The following THOC5 variants were observed in gnomAD, a reference collection of about 807,000 sequenced individuals.
THOC5 encodes THO complex subunit 5.
A neutral mutation model predicts 92.9 loss-of-function variants in THOC5; 43 were observed. That is an observed-to-expected ratio of 0.46 (90% CI 0.36 to 0.60). THOC5 has a LOEUF of 0.60. THOC5 is among the 20% of genes least tolerant of loss of function. The pLI is 0.00. For synonymous variants in THOC5, 296 were observed against 320.1 expected (o/e 0.92, Z 0.80); for missense variants, 659 against 849.4 (o/e 0.78, Z 2.79).
chr22:29,536,293 C>T (rs1213397969), intron 7 of THOC5: 1 of 238,280 alleles, frequency 4.2e-6, no homozygotes, highest in African/African-American at 2.3e-5. Context: ...CAGACATCCA[C>T]AGGAAGCAAG....
intron 14 of THOC5, 99 bp from the exon 15 acceptor site, chr22:29,519,219 T>C: frequency 1.4e-6 from 1 of 729,566 alleles, no homozygotes; most frequent in Admixed American, 2.5e-5. Flanking sequence ...CACCCTGGAT[T>C]ATCCATGCCC....
chr22:29,549,179 T>C lies in THOC5; in HGVS notation c.-11-21A>G, dbSNP rs752550396. ...TCCTCCTGTTAAGAGGAGAAAGTTT[T>C]TGAGATTCTTCTGGAGTCATAACAC... On this transcript the variant is annotated intron_variant, in intron 1 of 19. Transcript: ENST00000490103. 5.6e-6 allele frequency: 9 copies of C among 1,608,958 alleles called. No homozygotes were observed. In the East Asian group the frequency reaches 1.8e-4, roughly 32 times the overall value.
intron 17 of THOC5, chr22:29,513,857 T>A (rs886256554): frequency 6.6e-6 from 1 of 151,988 alleles, no homozygotes; most frequent in African/African-American, 2.4e-5. Flanking sequence ...AAATAAAAAA[T>A]AAAAATAAAA....
chr22:29,544,575 T>G lies in THOC5; in HGVS notation c.125A>C (p.Glu42Ala). 6 of 1,613,498 alleles carry G rather than the reference T, an allele frequency of 3.7e-6. No homozygotes were observed. Among genetic ancestry groups the G allele is most frequent in the Middle Eastern group, 3.3e-4 (2 of 6,054 alleles). The change falls in exon 3 of 20, where the codon GAG becomes GCG. Residue 42 changes from glutamate (E) to alanine (A), a missense_variant. Glu to Ala is a moderately radical substitution (Grantham distance 107). Transcript: ENST00000490103. The part of the protein sequence containing the change: ...QEGKYYSEEA[E>A]VDLRDPGRDY... ...TCTGCCAGGGTCCCGCAGATCCACC[T>G]CGGCCTCCTCACTGTAGTATTTACC...
intron 11 of THOC5, 41 bp downstream of exon 11, chr22:29,528,037 A>G: frequency 6.2e-7 from 1 of 1,601,086 alleles, no homozygotes; most frequent in Non-Finnish European, 8.6e-7. Context: ...GTGAACTCTT[A>G]GGTGCTACAG....
intron 11 of THOC5, among the ~76,000 whole-genome samples, chr22:29,526,336 T>C (rs1037937848): frequency 1.3e-5 from 2 of 151,886 alleles, no homozygotes; most frequent in Non-Finnish European, 2.9e-5. Flanking sequence ...ATCGAGACCA[T>C]CCTGGCTAAC....
intron 12 of THOC5, among the ~76,000 whole-genome samples, chr22:29,523,269 T>C (rs1337000663): frequency 6.6e-6 from 1 of 151,312 alleles, no homozygotes; most frequent in Non-Finnish European, 1.5e-5. Flanking sequence ...AAATAAATAA[T>C]AAAATAAAAA....
At chr22:29,518,026 CTT>C (rs1189151608) in intron 15 of THOC5, among the ~76,000 whole-genome samples, 1 of 152,076 alleles carries the variant, frequency 6.6e-6, no homozygotes, top group East Asian at 1.9e-4. Flanking sequence ...GACAGAGACT[CTT>C]TTTTATTTTT....
At chr22:29,517,456 T>C in intron 15 of THOC5, 90 bp from the exon 16 acceptor site, 2 of 1,151,068 alleles carry the variant, frequency 1.7e-6, no homozygotes, top group Non-Finnish European at 2.5e-6. Context: ...TCTGAAGGGC[T>C]CAGATGGCCC....
chr22:29,520,861 C>A, intron 13 of THOC5, 137 bp downstream of exon 13: 1 of 691,338 alleles, frequency 1.4e-6, no homozygotes. Flanking sequence ...CAAGAAAGAA[C>A]AAACATTTCC....
At chr22:29,520,319 C>A (rs1204925267) in intron 13 of THOC5, among the ~76,000 whole-genome samples, 1 of 152,082 alleles carries the variant, frequency 6.6e-6, no homozygotes, top group Admixed American at 6.6e-5. Flanking sequence ...TTTTCCTTTT[C>A]TTCTTGCAGC....
chr22:29,539,208 T>C, intron 6 of THOC5, 122 bp downstream of exon 6: 1 of 994,068 alleles, frequency 1.0e-6, no homozygotes, highest in Non-Finnish European at 1.5e-6. Context: ...GATTTAATCA[T>C]AAAATGGGAT....
At chr22:29,518,918 G>T in intron 15 of THOC5, 88 bp downstream of exon 15, 1 of 886,284 alleles carries the variant, frequency 1.1e-6, no homozygotes, top group Non-Finnish European at 1.8e-6. Context: ...TTTGTCATCA[G>T]GATTCAAGTT....
At chr22:29,514,237 A>T (rs2063287387) in intron 17 of THOC5, among the ~76,000 whole-genome samples, 1 of 151,480 alleles carries the variant, frequency 6.6e-6, no homozygotes, top group Admixed American at 6.6e-5. Flanking sequence ...GTGAGCCACC[A>T]CGCCCAGGCT....
chr22:29,527,564 T>C (rs1379340554), intron 11 of THOC5, among the ~76,000 whole-genome samples: 2 of 152,184 alleles, frequency 1.3e-5, no homozygotes, highest in Non-Finnish European at 2.9e-5. Context: ...TTCTAAAAAA[T>C]ACATAAGAAG....
chr22:29,523,022 A>T (rs1427045559), intron 12 of THOC5, among the ~76,000 whole-genome samples: 2 of 151,162 alleles, frequency 1.3e-5, no homozygotes, highest in East Asian at 3.9e-4. Flanking sequence ...AAAACAAAAA[A>T]CCAAACCATT....
chr22:29,522,979 C>T lies in THOC5; in HGVS notation c.1176-1880G>A, dbSNP rs571873614. Among the ~76,000 whole-genome samples the T allele has an allele frequency of 6.4e-4, 97 of 151,950 alleles. 1 individual carries two copies. Among genetic ancestry groups the T allele is most frequent in the Non-Finnish European group, 2.5e-4 (17 of 67,976 alleles). ...TCGTACCACTGCACTCCAGCCTGGG[C>T]GACAGAGCGAGACTCTGTCTCAAGA... is the stretch of plus-strand genomic sequence containing the variant. On this transcript the variant is annotated intron_variant, in intron 12 of 19. Coordinates refer to ENST00000490103, the MANE Select transcript of THOC5 (RefSeq NM_003678.5).
chr22:29,514,217 G>C (rs1436845718), intron 17 of THOC5, among the ~76,000 whole-genome samples: 1 of 152,096 alleles, frequency 6.6e-6, no homozygotes, highest in Non-Finnish European at 1.5e-5. Flanking sequence ...AAAGTGCTGG[G>C]ATTACAGGCG....
At chr22:29,527,941 T>C in intron 11 of THOC5, 137 bp downstream of exon 11, 1 of 749,990 alleles carries the variant, frequency 1.3e-6, no homozygotes, top group Non-Finnish European at 2.2e-6. Flanking sequence ...TGCAAAACAA[T>C]AAGGAAAAAC....
Sources: allele counts gnomAD v4.1 joint callset (sites outside exome capture counted in the v4.1 genomes callset), GRCh38; gene constraint gnomAD v4.1.1; transcripts MANE v1.5; gene names NCBI Gene and HGNC (gene_info 2026-07-23, HGNC 2026-07-21).